MAU2: variants seen among roughly 807,000 people sequenced by gnomAD.
MAU2 encodes MAU2 sister chromatid cohesion factor, also known as MAU2 chromatid cohesion factor homolog.
In MAU2, 9 loss-of-function variants were observed where a neutral mutation model predicts 89.1. That is an observed-to-expected ratio of 0.10 (90% CI 0.06 to 0.18). The LOEUF (loss-of-function observed/expected upper bound fraction) is 0.18. Among genes scored for constraint, MAU2 ranks in the 10% least tolerant of loss-of-function variants. The probability of loss-of-function intolerance (pLI) is 1.00; values close to 1 mark genes in which losing one functional copy is unlikely to be tolerated. For missense variants in MAU2, 425 were observed against 803.5 expected (o/e 0.53, Z 5.69); for synonymous variants, 357 against 343.4 (o/e 1.04, Z -0.44).
At chr19:19,326,062 G>A (rs1001254559) in intron 1 of MAU2, among the ~76,000 whole-genome samples, 18 of 147,196 alleles carry the variant, frequency 1.2e-4, no homozygotes, top group South Asian at 4.3e-4. Flanking sequence ...GTGCAATGGC[G>A]CAATCTCAAA....
intron 1 of MAU2, among the ~76,000 whole-genome samples, chr19:19,321,341 T>A (rs1280609555): frequency 2.0e-5 from 3 of 152,158 alleles, no homozygotes; most frequent in African/African-American, 4.8e-5. Context: ...CCCCCACGCC[T>A]TATTTCCCGT....
At chr19:19,344,445 G>A (rs753106868) in intron 10 of MAU2, 12 of 261,982 alleles carry the variant, frequency 4.6e-5, no homozygotes, top group Non-Finnish European at 8.9e-5. Context: ...ATGGGCCATG[G>A]CCCAAAAGCT....
At chr19:19,329,673 T>A (rs1301119577) in intron 1 of MAU2, among the ~76,000 whole-genome samples, 1 of 149,930 alleles carries the variant, frequency 6.7e-6, no homozygotes, top group Non-Finnish European at 1.5e-5. Context: ...TAGGGTAGTT[T>A]AAAAAAAAAA....
intron 1 of MAU2, among the ~76,000 whole-genome samples, chr19:19,322,724 C>G (rs2061471513): frequency 6.6e-6 from 1 of 151,166 alleles, no homozygotes; most frequent in Admixed American, 6.6e-5. Flanking sequence ...CTCTGTCCTG[C>G]TTGAATAGAA....
rs565044060 is a variant in MAU2 at position 19,322,436 on chromosome 19, A to G, written c.276+1301A>G. 3.3e-5 allele frequency among the ~76,000 whole-genome samples: 5 copies of G among 152,260 alleles called. No individual in the cohort carries two copies. The South Asian group carries it at 1.0e-3, about 32-fold the overall frequency. On this transcript the variant is annotated intron_variant, in intron 1 of 18. Coordinates refer to ENST00000262815, the MANE Select transcript of MAU2 (RefSeq NM_015329.4). The stretch of plus-strand genomic sequence containing the variant: ...CAACACAGTGAGATCCCGTCTCTAC[A>G]AAAAATACAAAAACTAGCTGGGCGT...
intron 13 of MAU2, chr19:19,348,242 G>A (rs1172267111): frequency 6.4e-6 from 1 of 156,834 alleles, no homozygotes; most frequent in Non-Finnish European, 1.4e-5. Context: ...GCAGGCCTGT[G>A]GTCCCAACTA....
At chr19:19,347,438 C>A in intron 13 of MAU2, 72 bp downstream of exon 13, 2 of 1,252,270 alleles carry the variant, frequency 1.6e-6, no homozygotes, top group Non-Finnish European at 2.3e-6. Flanking sequence ...GGGGGTTGTC[C>A]TGGGCACCAG....
At chr19:19,335,621 C>A in intron 1 of MAU2, 97 bp from the exon 2 acceptor site, 1 of 1,277,176 alleles carries the variant, frequency 7.8e-7, no homozygotes. Flanking sequence ...CTGGCAGCCT[C>A]TGTTCTCAGG....
intron 4 of MAU2, 70 bp downstream of exon 4, chr19:19,337,335 T>C (rs2061605577): frequency 3.2e-6 from 4 of 1,253,826 alleles, no homozygotes; most frequent in Non-Finnish European, 4.6e-6. Flanking sequence ...CTGCCCCATT[T>C]GCAAAGAACA....
chr19:19,345,239 A>T lies in MAU2; in HGVS notation c.1156-65A>T. ...CAGCCGTGCAGGCCCCGGGCACACC[A>T]CGTGTCTCTGATCTGAGCCCCCTCC... On this transcript the variant is annotated intron_variant, in intron 11 of 18. Transcript: ENST00000262815. This position sits in a 1 kb window ranked among gnomAD's most constrained non-coding sequence, Gnocchi z 4.9. 7.0e-7 allele frequency: 1 copy of T among 1,437,032 alleles called. No individual in the cohort carries two copies. The highest frequency in any genetic ancestry group is 9.8e-7 in the Non-Finnish European group (1 of 1,020,396). The allele number at this position is 1,437,032 out of a possible 1,614,324, so 89.0% of individuals were successfully genotyped here.
intron 1 of MAU2, among the ~76,000 whole-genome samples, chr19:19,333,177 T>C (rs2011503): frequency 0.84 from 128,019 of 152,078 alleles, 54,011 homozygotes; most frequent in East Asian, 1. Flanking sequence ...TGGCCCCAAA[T>C]GGAGAAGGGA....
rs1315630865 is a variant in MAU2, at chr19:19,345,480, G to A, written c.1221+111G>A. 16 of 1,044,730 alleles carry A rather than the reference G, an allele frequency of 1.5e-5. No individual in the cohort carries two copies. The highest frequency in any genetic ancestry group is 6.7e-5 in the South Asian group (5 of 75,090). 64.7% of individuals were successfully genotyped at this position (1,044,730 alleles called of 1,614,324 possible). A position where few individuals can be genotyped will look rare whatever the true frequency, so the allele number is the denominator to read the frequency against. Reference sequence around the variant, plus strand: ...CGCGCTAGGTCAGCTATGCAAAGCCGCAGCCCCAGAGGCAATGCACAGTAG... The same window carrying A: ...CGCGCTAGGTCAGCTATGCAAAGCCACAGCCCCAGAGGCAATGCACAGTAG... On this transcript the variant is annotated intron_variant, in intron 12 of 18. Coordinates refer to ENST00000262815, the MANE Select transcript of MAU2 (RefSeq NM_015329.4). This position sits in a 1 kb window ranked among gnomAD's most constrained non-coding sequence, Gnocchi z 4.9.
chr19:19,345,426 C>A lies in MAU2; in HGVS notation c.1221+57C>A. 1.3e-6 allele frequency: 2 copies of A among 1,550,704 alleles called. No homozygotes were observed. The highest frequency in any genetic ancestry group is 2.2e-5 in the South Asian group (2 of 89,788). On this transcript the variant is annotated intron_variant, in intron 12 of 18. Transcript: ENST00000262815. The surrounding 1 kb of genome is among the most constrained non-coding windows in gnomAD (Gnocchi z 4.9). ...CGGGCCACACTTCTGAGTAAGGAGTCGGGCGTGGTCTGTGATGAGGACAGC... is the reference window on the plus strand; with the variant it reads ...CGGGCCACACTTCTGAGTAAGGAGTAGGGCGTGGTCTGTGATGAGGACAGC...
Position 19,345,882 on chromosome 19 carries a change from C to T in MAU2, c.1221+513C>T, listed in dbSNP as rs1311917993. Among the ~76,000 whole-genome samples the T allele has an allele frequency of 6.6e-6, 1 of 152,206 alleles. No individual in the cohort carries two copies. Among genetic ancestry groups the T allele is most frequent in the Non-Finnish European group, 1.5e-5 (1 of 68,014 alleles). Reference sequence around the variant, plus strand: ...GCCAGGCCCTGGAAGAAGGCTGGTGCCACATCCTCACGGAGCGCCCCAGCC... The same window carrying T: ...GCCAGGCCCTGGAAGAAGGCTGGTGTCACATCCTCACGGAGCGCCCCAGCC... On this transcript the variant is annotated intron_variant, in intron 12 of 18. Transcript: ENST00000262815. This position sits in a 1 kb window ranked among gnomAD's most constrained non-coding sequence, Gnocchi z 4.9.
chr19:19,358,457 G>A lies in MAU2; in HGVS notation c.*2675G>A, dbSNP rs951299828. On this transcript the variant is annotated 3_prime_UTR_variant, in exon 19 of 19. Transcript: ENST00000262815. Reference sequence around the variant, plus strand: ...CCCGTTTATCAGAAACACAGGCAAGGAAATTGGAACTGCCACCCAGCCCAG... The same window carrying A: ...CCCGTTTATCAGAAACACAGGCAAGAAAATTGGAACTGCCACCCAGCCCAG... 1 of 152,264 alleles carries A rather than the reference G, an allele frequency of 6.6e-6. No individual in the cohort carries two copies. Among genetic ancestry groups the A allele is most frequent in the Admixed American group, 6.5e-5 (1 of 15,274 alleles). The allele number at this position is 152,264 out of a possible 1,614,324, so 9.4% of individuals were successfully genotyped here.
chr19:19,344,009 G>A, intron 10 of MAU2, 69 bp downstream of exon 10: 1 of 1,331,116 alleles, frequency 7.5e-7, no homozygotes, highest in East Asian at 2.3e-5. Context: ...TCAGACAAGA[G>A]ACTGAATTCG....
intron 1 of MAU2, among the ~76,000 whole-genome samples, chr19:19,330,329 T>C (rs2061545776): frequency 6.6e-6 from 1 of 151,600 alleles, no homozygotes; most frequent in South Asian, 2.1e-4. Context: ...GCATGGTGGC[T>C]CACGCCTGTA....
At position 19,349,447 on chromosome 19, in the gene MAU2, T is replaced by A. The variant is rs377201804; in HGVS notation, c.1548+11T>A. On this transcript the variant is annotated intron_variant, in intron 16 of 18. Transcript: ENST00000262815. The stretch of plus-strand genomic sequence containing the variant: ...CTGGGAAACCACAGGGTGAGTGCCC[T>A]GGCCTGGGCCCCTCGCTTGGGTGCC... 6.2e-7 allele frequency: 1 copy of A among 1,610,986 alleles called. No homozygotes were observed. The highest frequency in any genetic ancestry group is 8.5e-7 in the Non-Finnish European group (1 of 1,177,770).
intron 1 of MAU2, 143 bp from the exon 2 acceptor site, chr19:19,335,575 C>G: frequency 1.3e-6 from 1 of 768,342 alleles, no homozygotes; most frequent in Non-Finnish European, 2.3e-6. Context: ...CCTACCCTCT[C>G]AGGCCAAGCG....
Sources: gnomAD v4.1 joint callset for allele counts (sites outside exome capture counted in the v4.1 genomes callset) on GRCh38, gnomAD v4.1.1 for gene constraint, Gnocchi (gnomAD v3.1) non-coding constraint, MANE v1.5 for transcripts, NCBI Gene and HGNC (gene_info 2026-07-23, HGNC 2026-07-21) for gene names.